USP45: variants seen among roughly 807,000 people sequenced by gnomAD.
USP45 encodes ubiquitin carboxyl-terminal hydrolase 45.
Under a neutral mutation model 95.8 loss-of-function variants are expected in USP45, and 89 were observed. That is an observed-to-expected ratio of 0.93 (90% CI 0.78 to 1.11). The LOEUF is 1.11. USP45 is among the 50% of genes least tolerant of loss of function. The probability of loss-of-function intolerance (pLI) is 0.00; values close to 1 mark genes in which losing one functional copy is unlikely to be tolerated. For synonymous variants in USP45, 281 were observed against 316.2 expected (o/e 0.89, Z 1.18); for missense variants, 898 against 942.5 (o/e 0.95, Z 0.62).
At chr6:99,454,214 G>C (rs1158749614) in intron 13 of USP45, among the ~76,000 whole-genome samples, 2 of 152,110 alleles carry the variant, frequency 1.3e-5, no homozygotes, top group Non-Finnish European at 2.9e-5. Flanking sequence ...CTGGGGGAAG[G>C]ACGCCCTCTT....
intron 4 of USP45, among the ~76,000 whole-genome samples, chr6:99,504,612 G>A (rs1450455328): frequency 6.6e-6 from 1 of 152,176 alleles, no homozygotes; most frequent in Non-Finnish European, 1.5e-5. Flanking sequence ...AGATATAAAA[G>A]AGGAGGGAAA....
intron 5 of USP45, among the ~76,000 whole-genome samples, chr6:99,494,636 T>C (rs952932234): frequency 6.6e-6 from 1 of 152,222 alleles, no homozygotes; most frequent in Non-Finnish European, 1.5e-5. Flanking sequence ...GGCTCATGCC[T>C]GTAATCCCAG....
intron 9 of USP45, among the ~76,000 whole-genome samples, chr6:99,469,416 G>A (rs1181695288): frequency 1.4e-5 from 2 of 147,266 alleles, no homozygotes; most frequent in African/African-American, 4.9e-5. Context: ...ACAGTAGGAT[G>A]AGGGAAAAGT....
rs148860868 is a variant in USP45 at position 99,455,451 on chromosome 6, AAACAACAACAAC to A, written c.1309-9000_1309-8989del. ...GGGCGATGGAGCGAGACTCTGTCTC[AAACAACAACAAC>A]AACAACAACAACAACAACAAACTAA... is the stretch of plus-strand genomic sequence containing the variant. On this transcript the variant is annotated intron_variant, in intron 13 of 17. Transcript: ENST00000500704. Among the ~76,000 whole-genome samples the A allele has an allele frequency of 2.1e-4, 32 of 150,810 alleles. No individual in the cohort carries two copies. The East Asian group carries it at 3.2e-3, about 15-fold the overall frequency.
chr6:99,458,014 C>T (rs2128601687), intron 13 of USP45, among the ~76,000 whole-genome samples: 1 of 152,216 alleles, frequency 6.6e-6, no homozygotes, highest in South Asian at 2.1e-4. Context: ...TAAGTATCAG[C>T]TATTATTACT....
chr6:99,443,015 C>T (rs1399754746), intron 15 of USP45, among the ~76,000 whole-genome samples: 3 of 151,384 alleles, frequency 2.0e-5, no homozygotes, highest in Non-Finnish European at 4.4e-5. Context: ...GTCAGGAGTT[C>T]GAAACCAGCC....
chr6:99,509,131 G>T (rs1463504470), intron 2 of USP45, among the ~76,000 whole-genome samples: 3 of 152,146 alleles, frequency 2.0e-5, no homozygotes, highest in Non-Finnish European at 2.9e-5. Flanking sequence ...TGTTTCGATA[G>T]CCAGTTTGCT....
intron 13 of USP45, among the ~76,000 whole-genome samples, chr6:99,449,734 T>G (rs1018304653): frequency 5.9e-5 from 9 of 152,226 alleles, no homozygotes; most frequent in South Asian, 2.1e-4. Flanking sequence ...ATATACATTC[T>G]TCTCAGCACA....
chr6:99,454,891 A>G (rs1391469433), intron 13 of USP45, among the ~76,000 whole-genome samples: 2 of 151,908 alleles, frequency 1.3e-5, no homozygotes, highest in African/African-American at 2.4e-5. Context: ...GTTCAAGACC[A>G]TCCTGGCCAA....
intron 13 of USP45, among the ~76,000 whole-genome samples, chr6:99,458,207 G>T (rs1785525930): frequency 6.6e-6 from 1 of 152,086 alleles, no homozygotes; most frequent in Non-Finnish European, 1.5e-5. Flanking sequence ...TTTTAGTAGA[G>T]ATAAGGTTTC....
chr6:99,502,759 G>A (rs1012159159), intron 5 of USP45, among the ~76,000 whole-genome samples: 5 of 152,198 alleles, frequency 3.3e-5, no homozygotes, highest in Admixed American at 1.3e-4. Context: ...CATCACTTTG[G>A]TGCTGTTCTC....
chr6:99,466,617 A>C, intron 11 of USP45, 55 bp downstream of exon 11: 2 of 1,385,634 alleles, frequency 1.4e-6, no homozygotes, highest in Non-Finnish European at 1.0e-6. Flanking sequence ...AAAATATAAT[A>C]AAAATGATGT....
chr6:99,472,729 G>A (rs1789759708), intron 9 of USP45, among the ~76,000 whole-genome samples: 1 of 152,068 alleles, frequency 6.6e-6, no homozygotes, highest in African/African-American at 2.4e-5. Flanking sequence ...TCAACAAGAA[G>A]AGCAATATAC....
rs1349145666 is a variant in USP45 at position 99,444,167 on chromosome 6, C to G, written c.1976-505G>C. On this transcript the variant is annotated intron_variant, in intron 14 of 17. Coordinates refer to ENST00000500704, the MANE Select transcript of USP45 (RefSeq NM_001346022.3). ...GCTGGGACTACAGGTGCATGCCACC[C>G]CACCTGGCTAATTTTTAAAACGTTT... is the stretch of plus-strand genomic sequence containing the variant. Among the ~76,000 whole-genome samples the G allele has an allele frequency of 3.4e-4, 51 of 152,022 alleles. 1 individual carries two copies. Among genetic ancestry groups the G allele is most frequent in the Admixed American group, 3.3e-3 (51 of 15,262 alleles).
rs1786477625 is a variant in USP45 at position 99,461,549 on chromosome 6, C to A, written c.1308+3055G>T. 3.0e-6 allele frequency: 3 copies of A among 985,196 alleles called. No individual in the cohort carries two copies. In the Admixed American group the frequency reaches 1.8e-4, roughly 61 times the overall value. The allele number at this position is 985,196 out of a possible 1,614,324, so 61.0% of individuals were successfully genotyped here. On this transcript the variant is annotated intron_variant, in intron 13 of 17. Transcript: ENST00000500704. ...TGTTATCAGTAAGCAAAAGAAAATG[C>A]ACTTTTTCAAGGTACTCAGAGATAA... is the stretch of plus-strand genomic sequence containing the variant.
chr6:99,500,077 G>A lies in USP45; in HGVS notation c.478+3688C>T, dbSNP rs374451748. On this transcript the variant is annotated intron_variant, in intron 5 of 17. Coordinates refer to ENST00000500704, the MANE Select transcript of USP45 (RefSeq NM_001346022.3). ...TACTGCCTGGGGTCACACACCTAGT[G>A]ACAGAGTCAAATCTGAACACCAGAC... is the stretch of plus-strand genomic sequence containing the variant. Among the ~76,000 whole-genome samples, 55 of 152,294 alleles carry A rather than the reference G, an allele frequency of 3.6e-4. No homozygotes were observed. The South Asian group carries it at 0.011, about 31-fold the overall frequency.
At chr6:99,455,320 C>G (rs911640622) in intron 13 of USP45, among the ~76,000 whole-genome samples, 3 of 151,618 alleles carry the variant, frequency 2.0e-5, no homozygotes, top group Admixed American at 2.0e-4. Flanking sequence ...TGGCACATGC[C>G]TGTAGTCCCA....
intron 15 of USP45, among the ~76,000 whole-genome samples, chr6:99,440,137 A>G (rs4840044): frequency 0.46 from 69,436 of 152,056 alleles, 16,621 homozygotes; most frequent in East Asian, 0.89. Context: ...AATTCAATAT[A>G]AAAGCTAAGC....
Position 99,433,582 on chromosome 6 carries a change from A to G in USP45, c.*2134T>C, listed in dbSNP as rs1780031383. Reference sequence around the variant, plus strand: ...ATCCAATTTATTCCATTTTCAGAAGACAAGGAAAAAGCACTCATAAACTCT... The same window carrying G: ...ATCCAATTTATTCCATTTTCAGAAGGCAAGGAAAAAGCACTCATAAACTCT... On this transcript the variant is annotated 3_prime_UTR_variant, in exon 18 of 18. Coordinates refer to ENST00000500704, the MANE Select transcript of USP45 (RefSeq NM_001346022.3). The G allele has an allele frequency of 6.6e-6, 1 of 152,306 alleles. No homozygotes were observed. Among genetic ancestry groups the G allele is most frequent in the Non-Finnish European group, 1.5e-5 (1 of 68,042 alleles). The allele number at this position is 152,306 out of a possible 1,614,324, so 9.4% of individuals were successfully genotyped here. A position where few individuals can be genotyped will look rare whatever the true frequency, so the allele number is the denominator to read the frequency against.
Sources: allele counts gnomAD v4.1 joint callset (sites outside exome capture counted in the v4.1 genomes callset), GRCh38; gene constraint gnomAD v4.1.1; transcripts MANE v1.5; gene names NCBI Gene and HGNC (gene_info 2026-07-23, HGNC 2026-07-21).